The following NTM variants were observed in gnomAD, a reference collection of about 807,000 sequenced individuals.
The protein encoded by NTM is neurotrimin.
A neutral mutation model predicts 42.1 loss-of-function variants in NTM; 13 were observed. The observed-to-expected ratio is 0.31, with a 90% CI of 0.20 to 0.49. NTM has a LOEUF of 0.49. Ranked by LOEUF, NTM falls within the 20% of genes least tolerant of loss-of-function variation. The pLI is 0.99. For missense variants in NTM, 373 were observed against 452.8 expected, an observed-to-expected ratio of 0.82 and a Z score of 1.60; for synonymous variants, 187 against 179.2, an observed-to-expected ratio of 1.04 and a Z score of -0.35.
At chr11:131,546,629 G>A (rs1339935071) in intron 1 of NTM, 1 of 152,156 alleles carries the variant, frequency 6.6e-6, no homozygotes, top group South Asian at 2.1e-4. Context: ...CCTTGTTCCC[G>A]AGCAGTGAGA....
At chr11:132,149,978 G>T (rs2137408507) in intron 3 of NTM, among the ~76,000 whole-genome samples, 1 of 152,230 alleles carries the variant, frequency 6.6e-6, no homozygotes, top group East Asian at 1.9e-4. Flanking sequence ...TGTTCATTTT[G>T]CATTACTATA....
intron 1 of NTM, among the ~76,000 whole-genome samples, chr11:131,572,470 C>G (rs1426410180): frequency 6.6e-6 from 1 of 152,184 alleles, no homozygotes; most frequent in Non-Finnish European, 1.5e-5. Flanking sequence ...CCATTTTCCC[C>G]ATCCCTGCTT....
At chr11:132,065,908 A>G (rs2056407994) in intron 2 of NTM, among the ~76,000 whole-genome samples, 1 of 152,194 alleles carries the variant, frequency 6.6e-6, no homozygotes, top group Admixed American at 6.5e-5. Context: ...CATCCGTCTG[A>G]TGCCAATAGC....
chr11:131,932,042 T>G (rs2058691855), intron 2 of NTM, among the ~76,000 whole-genome samples: 2 of 152,218 alleles, frequency 1.3e-5, no homozygotes, highest in Admixed American at 6.5e-5. Context: ...GGAAGACTGA[T>G]AAGCGTGTCT....
intron 1 of NTM, among the ~76,000 whole-genome samples, chr11:131,701,314 A>C: frequency 6.6e-6 from 1 of 152,340 alleles, no homozygotes; most frequent in East Asian, 1.9e-4. Flanking sequence ...CCAGGAATAA[A>C]TGAGAAACTG....
At chr11:132,183,471 C>T (rs920604390) in intron 3 of NTM, among the ~76,000 whole-genome samples, 1 of 152,040 alleles carries the variant, frequency 6.6e-6, no homozygotes, top group African/African-American at 2.4e-5. Context: ...TTCATGCCAC[C>T]ATAAACTCTA....
rs553252797 is a variant in NTM at position 131,615,923 on chromosome 11, C to T, written c.82+245035C>T. ...CAGGACCTCTGCTTCCCTTGGGCAG[C>T]GGCTGGGGCGTAGCCTAGAGTCCTT... On this transcript the variant is annotated intron_variant, in intron 1 of 8. Coordinates refer to ENST00000683400, the MANE Select transcript of NTM (RefSeq NM_001352005.2). Among the ~76,000 whole-genome samples the T allele has an allele frequency of 1.2e-3, 179 of 152,356 alleles. 1 individual carries two copies. The highest frequency in any genetic ancestry group is 4.1e-3 in the African/African-American group (171 of 41,590).
intron 1 of NTM, among the ~76,000 whole-genome samples, chr11:131,601,179 T>G (rs2060453774): frequency 6.6e-6 from 1 of 152,192 alleles, no homozygotes; most frequent in Non-Finnish European, 1.5e-5. Flanking sequence ...TGATTTGGCT[T>G]GGACAGCTCT....
chr11:132,069,944 A>T (rs1385429909), intron 2 of NTM, among the ~76,000 whole-genome samples: 2 of 145,534 alleles, frequency 1.4e-5, no homozygotes, highest in Non-Finnish European at 3.0e-5. Flanking sequence ...CAGGTTAGTT[A>T]ACATGTCACA....
intron 4 of NTM, among the ~76,000 whole-genome samples, chr11:132,213,075 TTG>T (rs1423271674): frequency 6.6e-6 from 1 of 152,158 alleles, no homozygotes; most frequent in Admixed American, 6.5e-5. Flanking sequence ...AAGAAGATAT[TTG>T]TGCAGAGACA....
chr11:132,100,255 C>G (rs2061474206), intron 2 of NTM, among the ~76,000 whole-genome samples: 1 of 152,214 alleles, frequency 6.6e-6, no homozygotes. Flanking sequence ...GGGATCTAAA[C>G]AGAGTTTGTT....
intron 7 of NTM, chr11:132,315,095 G>GTGA (rs931243229): frequency 6.3e-5 from 63 of 1,000,610 alleles, no homozygotes; most frequent in Middle Eastern, 5.0e-4. Flanking sequence ...TTTTTTCTCA[G>GTGA]TGATGATGGC....
chr11:131,732,400 G>A (rs1352767812), intron 1 of NTM, among the ~76,000 whole-genome samples: 1 of 152,080 alleles, frequency 6.6e-6, no homozygotes, highest in Non-Finnish European at 1.5e-5. Flanking sequence ...CATGTCTGTG[G>A]GTCCTGCCTT....
intron 1 of NTM, among the ~76,000 whole-genome samples, chr11:131,426,493 C>T (rs922882790): frequency 6.6e-6 from 1 of 152,186 alleles, no homozygotes; most frequent in Non-Finnish European, 1.5e-5. Context: ...TACTGAGCAA[C>T]TGTGAATAAG....
intron 2 of NTM, among the ~76,000 whole-genome samples, chr11:132,065,291 T>C (rs1363972436): frequency 6.6e-6 from 1 of 152,226 alleles, no homozygotes; most frequent in Non-Finnish European, 1.5e-5. Context: ...ACCACATACA[T>C]GCAACATTTT....
chr11:131,940,584 G>A (rs2134205111), intron 2 of NTM, among the ~76,000 whole-genome samples: 1 of 152,324 alleles, frequency 6.6e-6, no homozygotes, highest in East Asian at 1.9e-4. Flanking sequence ...CTGAGCTAGA[G>A]ACTCTTACCT....
intron 1 of NTM, among the ~76,000 whole-genome samples, chr11:131,849,491 G>T (rs1167518111): frequency 2.6e-5 from 4 of 151,958 alleles, no homozygotes; most frequent in Non-Finnish European, 5.9e-5. Context: ...AAAGGACCAG[G>T]TCTTTGAAAA....
intron 2 of NTM, among the ~76,000 whole-genome samples, chr11:131,995,756 G>A (rs2067886299): frequency 6.6e-6 from 1 of 151,820 alleles, no homozygotes; most frequent in African/African-American, 2.4e-5. Flanking sequence ...CTTTATTCAG[G>A]TGTCATCAGC....
chr11:131,533,820 C>T (rs929135321), intron 1 of NTM: 4 of 152,220 alleles, frequency 2.6e-5, no homozygotes, highest in Admixed American at 2.0e-4. Context: ...AAAAACAAAC[C>T]GCAGGTTTTG....
Sources: gnomAD v4.1 joint callset for allele counts (sites outside exome capture counted in the v4.1 genomes callset) on GRCh38, gnomAD v4.1.1 for gene constraint, MANE v1.5 for transcripts, NCBI Gene and HGNC (gene_info 2026-07-23, HGNC 2026-07-21) for gene names.